Variants in PRR5L observed in about 807,000 individuals in gnomAD.
The protein encoded by PRR5L is proline-rich protein 5-like.
In PRR5L, 21 loss-of-function variants were observed where a neutral mutation model predicts 36.4. The observed-to-expected ratio is 0.58, with a 90% confidence interval of 0.41 to 0.83. The LOEUF is 0.83. PRR5L is among the 40% of genes least tolerant of loss of function. The pLI is 0.00. For missense variants in PRR5L, 381 were observed against 473.3 expected, an observed-to-expected ratio of 0.80 and a Z score of 1.81; for synonymous variants, 188 against 197.0, an observed-to-expected ratio of 0.95 and a Z score of 0.38.
In PRR5L at chr11:36,463,641, G is replaced by A. The variant is rs1046921124; in HGVS notation, c.*905G>A. The A allele has an allele frequency of 5.6e-5, 7 of 124,712 alleles. No individual in the cohort carries two copies. The highest frequency in any genetic ancestry group is 1.2e-4 in the African/African-American group (4 of 32,052). The allele number at this position is 124,712 out of a possible 1,614,324, so 7.7% of individuals were successfully genotyped here. A position where few individuals can be genotyped will look rare whatever the true frequency, so the allele number is the denominator to read the frequency against. On this transcript the variant is annotated 3_prime_UTR_variant, in exon 9 of 9. Transcript: ENST00000530639. ...GACTTGAATTTTTAAAATGTGTATC[G>A]TTTAAAAAAAAAAATGTTTGCAAAT...
At position 36,344,239 on chromosome 11, in the gene PRR5L, C is replaced by T. The variant is rs72950045; in HGVS notation, c.-126+47801C>T. 0.024 allele frequency among the ~76,000 whole-genome samples: 3,584 copies of T among 152,062 alleles called. 69 individuals are homozygous for T. Among genetic ancestry groups the T allele is most frequent in the Middle Eastern group, 0.041 (12 of 294 alleles). On this transcript the variant is annotated intron_variant, in intron 1 of 8. Transcript: ENST00000530639. This position sits in a 1 kb window ranked among gnomAD's most constrained non-coding sequence, Gnocchi z 4.1. Reference sequence around the variant, plus strand: ...TGTCTCAAAAAAAAAAAATCACATGCTCATAGAAAAATCAGAAAATATATA... The same window carrying T: ...TGTCTCAAAAAAAAAAAATCACATGTTCATAGAAAAATCAGAAAATATATA...
intron 1 of PRR5L, among the ~76,000 whole-genome samples, chr11:36,297,710 A>G (rs1012173028): frequency 2.0e-5 from 3 of 152,158 alleles, no homozygotes; most frequent in East Asian, 1.9e-4. Context: ...TCATTCAGCA[A>G]TTGGGATGTC....
chr11:36,403,463 G>GGT, intron 3 of PRR5L, 85 bp downstream of exon 3: 1 of 649,544 alleles, frequency 1.5e-6, no homozygotes, highest in South Asian at 2.0e-5. Flanking sequence ...AGCCTTAAGG[G>GGT]TTTTTTTTTT....
At position 36,306,687 on chromosome 11, in the gene PRR5L, C is replaced by T. The variant is rs1408102655; in HGVS notation, c.-126+10249C>T. 2.6e-5 allele frequency among the ~76,000 whole-genome samples: 4 copies of T among 152,116 alleles called. No individual in the cohort carries two copies. In the South Asian group the frequency reaches 6.2e-4, roughly 24 times the overall value. The stretch of plus-strand genomic sequence containing the variant: ...CCTTCTAATAAAGGCTTTACCAATG[C>T]ACCCTCCAAGAAGCAGTGCATGAGG... On this transcript the variant is annotated intron_variant, in intron 1 of 8. Transcript: ENST00000530639.
intron 1 of PRR5L, among the ~76,000 whole-genome samples, chr11:36,397,443 CTTTTTTTTTT>C (rs34024197): frequency 2.9e-4 from 10 of 35,080 alleles, no homozygotes; most frequent in African/African-American, 1.0e-3. Flanking sequence ...CAGCCGATGC[CTTTTTTTTTT>C]TTTTTTTTTT....
In PRR5L at chr11:36,365,195, C is replaced by T. The variant is rs114075453; in HGVS notation, c.-125-35802C>T. Among the ~76,000 whole-genome samples the T allele has an allele frequency of 3.9e-3, 591 of 152,172 alleles. 4 individuals carry two copies. The highest frequency in any genetic ancestry group is 0.014 in the African/African-American group (573 of 41,506). ...CTGGTTCTTATGATAAAGCACTTAG[C>T]GGGAATGATCGTTCAAGTTTACTTG... is the stretch of plus-strand genomic sequence containing the variant. On this transcript the variant is annotated intron_variant, in intron 1 of 8. Coordinates refer to ENST00000530639, the MANE Select transcript of PRR5L (RefSeq NM_001160167.2).
chr11:36,349,474 G>A (rs1856904998), intron 1 of PRR5L, among the ~76,000 whole-genome samples: 1 of 152,112 alleles, frequency 6.6e-6, no homozygotes, highest in South Asian at 2.1e-4. Flanking sequence ...GCCCGAGTAG[G>A]ACCCAGGTTT....
intron 1 of PRR5L, among the ~76,000 whole-genome samples, chr11:36,356,079 T>A (rs1487106286): frequency 6.6e-6 from 1 of 151,612 alleles, no homozygotes; most frequent in Non-Finnish European, 1.5e-5. Flanking sequence ...GCTCAGCTAA[T>A]TTTTGTATTT....
rs143207392 is a variant in PRR5L, at chr11:36,312,154, T to G, written c.-126+15716T>G. 1.7e-3 allele frequency among the ~76,000 whole-genome samples: 259 copies of G among 152,198 alleles called. 1 individual carries two copies. The highest frequency in any genetic ancestry group is 6.0e-3 in the African/African-American group (249 of 41,522). On this transcript the variant is annotated intron_variant, in intron 1 of 8. Coordinates refer to ENST00000530639, the MANE Select transcript of PRR5L (RefSeq NM_001160167.2). Reference sequence around the variant, plus strand: ...CAGAGAGAATTTTTACTGAATACCGTTTTTTGAGAAGCACGTAAATATATT... The same window carrying G: ...CAGAGAGAATTTTTACTGAATACCGGTTTTTGAGAAGCACGTAAATATATT...
At chr11:36,302,062 T>A (rs2422185) in intron 1 of PRR5L, among the ~76,000 whole-genome samples, 46,927 of 152,112 alleles carry the variant, frequency 0.31, 8,169 homozygotes, top group Non-Finnish European at 0.39. Flanking sequence ...TTTACTGTAC[T>A]GTTATTGCAC....
intron 1 of PRR5L, among the ~76,000 whole-genome samples, chr11:36,316,198 A>C (rs1353423020): frequency 6.6e-6 from 1 of 152,228 alleles, no homozygotes; most frequent in East Asian, 1.9e-4. Context: ...ATTGTAGGGC[A>C]AAAGCAGCAA....
At chr11:36,410,542 T>C (rs1001592943) in intron 3 of PRR5L, among the ~76,000 whole-genome samples, 10 of 152,220 alleles carry the variant, frequency 6.6e-5, no homozygotes, top group African/African-American at 1.9e-4. Flanking sequence ...CACTCCTACC[T>C]GTGAGGCTGT....
chr11:36,461,452 G>A (rs768028970), intron 8 of PRR5L, among the ~76,000 whole-genome samples: 29 of 151,948 alleles, frequency 1.9e-4, no homozygotes, highest in South Asian at 1.3e-3. Flanking sequence ...GTGAAACCCC[G>A]TCTCTAGTAA....
intron 1 of PRR5L, among the ~76,000 whole-genome samples, chr11:36,375,016 C>G (rs919226826): frequency 1.3e-4 from 20 of 152,062 alleles, no homozygotes; most frequent in Admixed American, 2.6e-4. Flanking sequence ...ATGTGGATCA[C>G]TTGAGGTCAG....
intron 4 of PRR5L, among the ~76,000 whole-genome samples, chr11:36,420,834 AAC>A (rs58639707): frequency 0.044 from 6,057 of 139,114 alleles, 148 homozygotes; most frequent in African/African-American, 0.082. Flanking sequence ...CAGTTGTTTA[AAC>A]ACACACACAC....
intron 1 of PRR5L, among the ~76,000 whole-genome samples, chr11:36,350,349 G>A (rs1168396999): frequency 3.3e-5 from 5 of 151,810 alleles, no homozygotes; most frequent in African/African-American, 9.7e-5. Flanking sequence ...ATGCATGTGT[G>A]TGCCGGGGAG....
chr11:36,416,002 T>C (rs1239772930), intron 3 of PRR5L, among the ~76,000 whole-genome samples: 2 of 152,254 alleles, frequency 1.3e-5, no homozygotes, highest in Non-Finnish European at 1.5e-5. Flanking sequence ...CTGTTCTGTA[T>C]CTTGCATTGT....
chr11:36,444,698 C>T (rs1402093623), intron 6 of PRR5L, among the ~76,000 whole-genome samples: 6 of 152,182 alleles, frequency 3.9e-5, no homozygotes, highest in Admixed American at 6.5e-5. Flanking sequence ...ACCAGAATTG[C>T]TGTTCTAGTT....
At chr11:36,346,168 C>T (rs1307535856) in intron 1 of PRR5L, among the ~76,000 whole-genome samples, 1 of 152,042 alleles carries the variant, frequency 6.6e-6, no homozygotes, top group Non-Finnish European at 1.5e-5. Flanking sequence ...GAGATGGGGC[C>T]TTATTATTTG....
Sources: gnomAD v4.1 joint callset for allele counts (sites outside exome capture counted in the v4.1 genomes callset) on GRCh38, gnomAD v4.1.1 for gene constraint, Gnocchi (gnomAD v3.1) non-coding constraint, MANE v1.5 for transcripts, NCBI Gene and HGNC (gene_info 2026-07-23, HGNC 2026-07-21) for gene names.